Variants in FOXN3 observed in about 807,000 individuals in gnomAD.
FOXN3 encodes the protein forkhead box protein N3.
In FOXN3, 7 loss-of-function variants were observed where a neutral mutation model predicts 38.4. That is an observed-to-expected ratio of 0.18 (90% CI 0.10 to 0.34). The LOEUF (loss-of-function observed/expected upper bound fraction) is 0.34, where lower values mean the gene tolerates loss of function less well. Among genes scored for constraint, FOXN3 ranks in the 10% least tolerant of loss-of-function variants. The probability of loss-of-function intolerance (pLI) is 1.00; values close to 1 mark genes in which losing one functional copy is unlikely to be tolerated. For synonymous variants in FOXN3, 230 were observed against 242.2 expected, an observed-to-expected ratio of 0.95 and a Z score of 0.47; for missense variants, 456 against 613.4, an observed-to-expected ratio of 0.74 and a Z score of 2.71.
chr14:89,255,034 A>AG (rs111682775), intron 4 of FOXN3, among the ~76,000 whole-genome samples: 8,239 of 152,222 alleles, frequency 0.054, 513 homozygotes, highest in African/African-American at 0.15. Flanking sequence ...ATTTGGGGGC[A>AG]GTGCAAATTC....
intron 1 of FOXN3, among the ~76,000 whole-genome samples, chr14:89,562,038 A>T (rs1872691888): frequency 6.6e-6 from 1 of 152,186 alleles, no homozygotes; most frequent in South Asian, 2.1e-4. Context: ...GAAAATAGGG[A>T]TGGGTAGACT....
chr14:89,580,454 C>A (rs1033111387), intron 1 of FOXN3, among the ~76,000 whole-genome samples: 3 of 152,148 alleles, frequency 2.0e-5, no homozygotes, highest in African/African-American at 7.2e-5. Context: ...AGTTAAGGAC[C>A]ACATAACAGT....
At position 89,359,930 on chromosome 14, in the gene FOXN3, C is replaced by A. The variant is rs532269952; in HGVS notation, c.544-9122G>T. Among the ~76,000 whole-genome samples, 14 of 152,268 alleles carry A rather than the reference C, an allele frequency of 9.2e-5. No homozygotes were observed. The South Asian group carries it at 2.1e-3, about 23-fold the overall frequency. ...CTTGAGCTCATGGTGGGAACTGGAG[C>A]GGATATGGTCCACTTCCTCATCACC... On this transcript the variant is annotated intron_variant, in intron 2 of 5. Coordinates refer to ENST00000557258, the MANE Select transcript of FOXN3 (RefSeq NM_005197.4).
chr14:89,527,787 T>G (rs990823312), intron 1 of FOXN3, among the ~76,000 whole-genome samples: 3 of 151,482 alleles, frequency 2.0e-5, no homozygotes, highest in Admixed American at 6.6e-5. Flanking sequence ...CTGCAACCTC[T>G]GCCTCCCAGG....
intron 1 of FOXN3, among the ~76,000 whole-genome samples, chr14:89,608,575 G>A (rs941629649): frequency 5.3e-5 from 8 of 152,192 alleles, no homozygotes; most frequent in Non-Finnish European, 1.0e-4. Context: ...TAAAACCACA[G>A]ACTTCAACTG....
At chr14:89,272,539 C>T (rs1275090388) in intron 4 of FOXN3, among the ~76,000 whole-genome samples, 2 of 152,000 alleles carry the variant, frequency 1.3e-5, no homozygotes, top group Non-Finnish European at 2.9e-5. Flanking sequence ...TTGGGGTGGG[C>T]AGGAGGGACT....
At chr14:89,326,189 GCA>G (rs1434483183) in intron 3 of FOXN3, among the ~76,000 whole-genome samples, 1 of 152,158 alleles carries the variant, frequency 6.6e-6, no homozygotes, top group East Asian at 1.9e-4. Context: ...CCCTCCCAGA[GCA>G]CACACCTTCT....
rs111541968 is a variant in FOXN3 at position 89,544,931 on chromosome 14, C to T, written c.-15+74097G>A. ...GAATCTTCCATTTAATATTTTCAAG[C>T]TGCAGTTGACTGTAGGTAACTCAAA... On this transcript the variant is annotated intron_variant, in intron 1 of 6. Transcript: ENST00000345097. Among the ~76,000 whole-genome samples, 415 of 152,322 alleles carry T rather than the reference C, an allele frequency of 2.7e-3. 5 individuals carry two copies. Among genetic ancestry groups the T allele is most frequent in the African/African-American group, 9.6e-3 (397 of 41,564 alleles).
At chr14:89,594,370 C>A (rs998255194) in intron 1 of FOXN3, among the ~76,000 whole-genome samples, 1 of 152,210 alleles carries the variant, frequency 6.6e-6, no homozygotes, top group Non-Finnish European at 1.5e-5. Flanking sequence ...CTCACCAACT[C>A]TTGGTACTGT....
At chr14:89,459,507 G>C (rs1448017378) in intron 1 of FOXN3, among the ~76,000 whole-genome samples, 1 of 152,182 alleles carries the variant, frequency 6.6e-6, no homozygotes, top group African/African-American at 2.4e-5. Flanking sequence ...TATAGGACTT[G>C]ATCTAGAGCC....
At chr14:89,567,916 G>T (rs1895396498) in intron 1 of FOXN3, among the ~76,000 whole-genome samples, 1 of 151,768 alleles carries the variant, frequency 6.6e-6, no homozygotes, top group African/African-American at 2.4e-5. Context: ...TAGAGACGGG[G>T]TTTCACCGTG....
At chr14:89,606,076 C>T (rs1566715978) in intron 1 of FOXN3, among the ~76,000 whole-genome samples, 1 of 151,408 alleles carries the variant, frequency 6.6e-6, no homozygotes, top group Non-Finnish European at 1.5e-5. Context: ...TGAAAAACTG[C>T]GATGGCACAG....
chr14:89,327,022 C>A (rs1888102463), intron 3 of FOXN3, among the ~76,000 whole-genome samples: 1 of 152,146 alleles, frequency 6.6e-6, no homozygotes, highest in Non-Finnish European at 1.5e-5. Context: ...GGGGTCTTTG[C>A]TGGTGATTAG....
At chr14:89,237,480 G>A (rs924831385) in intron 4 of FOXN3, among the ~76,000 whole-genome samples, 20 of 152,300 alleles carry the variant, frequency 1.3e-4, no homozygotes, top group South Asian at 1.0e-3. Context: ...ATTGTATTCC[G>A]AAGCATTTAT....
intron 1 of FOXN3, among the ~76,000 whole-genome samples, chr14:89,614,762 T>A (rs1247112979): frequency 6.6e-6 from 1 of 152,222 alleles, no homozygotes; most frequent in African/African-American, 2.4e-5. Flanking sequence ...ACTCATATAT[T>A]AGGGTCTTGC....
intron 4 of FOXN3, among the ~76,000 whole-genome samples, chr14:89,266,486 CT>C (rs368762182): frequency 6.6e-6 from 1 of 151,936 alleles, no homozygotes; most frequent in African/African-American, 2.4e-5. Context: ...TTGGAGGCGG[CT>C]GGGGGGGCGG....
intron 1 of FOXN3, among the ~76,000 whole-genome samples, chr14:89,530,134 T>C (rs1894525071): frequency 6.6e-6 from 1 of 152,060 alleles, no homozygotes; most frequent in African/African-American, 2.4e-5. Flanking sequence ...GAGACAGGGT[T>C]TCATCATGTT....
In FOXN3 at chr14:89,383,032, T is replaced by G. The variant is rs960636533; in HGVS notation, c.543+28902A>C. Reference sequence around the variant, plus strand: ...TTGGAGCACAGTTTTGGGTGGTGTTTTTTTTTTTTTTTTTTTTTTTTTCCT... The same window carrying G: ...TTGGAGCACAGTTTTGGGTGGTGTTGTTTTTTTTTTTTTTTTTTTTTTCCT... On this transcript the variant is annotated intron_variant, in intron 2 of 5. Coordinates refer to ENST00000557258, the MANE Select transcript of FOXN3 (RefSeq NM_005197.4). 2.7e-3 allele frequency among the ~76,000 whole-genome samples: 314 copies of G among 118,126 alleles called. 1 individual carries two copies. The highest frequency in any genetic ancestry group is 0.01 in the African/African-American group (307 of 29,514). 77.5% of individuals were successfully genotyped at this position (118,126 alleles called of 152,430 possible).
At chr14:89,556,959 C>T (rs946826159) in intron 1 of FOXN3, among the ~76,000 whole-genome samples, 2 of 152,198 alleles carry the variant, frequency 1.3e-5, no homozygotes, top group Non-Finnish European at 2.9e-5. Context: ...TCAGAGCCGC[C>T]TCTGAGCACC....
Sources: allele counts gnomAD v4.1 joint callset (sites outside exome capture counted in the v4.1 genomes callset), GRCh38; gene constraint gnomAD v4.1.1; transcripts MANE v1.5; gene names NCBI Gene and HGNC (gene_info 2026-07-23, HGNC 2026-07-21).